PRKCI: variants seen among roughly 807,000 people sequenced by gnomAD.
PRKCI encodes protein kinase C iota.
PRKCI carries 43 observed loss-of-function variants against 84.0 expected under a neutral mutation model. That is an observed-to-expected ratio of 0.51 (90% CI 0.40 to 0.66). PRKCI has a LOEUF of 0.66. PRKCI is among the 30% of genes least tolerant of loss of function. The pLI, the probability that PRKCI is intolerant of heterozygous loss-of-function variation, is 0.00. For synonymous variants in PRKCI, 216 were observed against 234.4 expected (o/e 0.92, Z 0.72); for missense variants, 459 against 745.6 (o/e 0.62, Z 4.48).
chr3:170,258,636 A>T (rs1244697991), intron 2 of PRKCI, among the ~76,000 whole-genome samples: 1 of 152,142 alleles, frequency 6.6e-6, no homozygotes, highest in Non-Finnish European at 1.5e-5. Flanking sequence ...GTCCAGGCAG[A>T]TGTGCCACCT....
chr3:170,231,749 G>A (rs893101078), intron 1 of PRKCI, among the ~76,000 whole-genome samples: 9 of 152,206 alleles, frequency 5.9e-5, no homozygotes, highest in African/African-American at 1.9e-4. Context: ...ACAGGTGTGA[G>A]CCACTGCGCC....
At chr3:170,301,011 C>T (rs1734805099) in intron 17 of PRKCI, among the ~76,000 whole-genome samples, 1 of 152,146 alleles carries the variant, frequency 6.6e-6, no homozygotes, top group African/African-American at 2.4e-5. Flanking sequence ...TTTCAGCCAG[C>T]CCTGTAGCAT....
chr3:170,293,263 G>GAAT (rs1734607379), intron 13 of PRKCI, 120 bp from the exon 14 acceptor site: 1 of 880,182 alleles, frequency 1.1e-6, no homozygotes, highest in Non-Finnish European at 1.7e-6. Context: ...ATGATAGTTG[G>GAAT]AATGCATTTA....
At chr3:170,270,684 A>T in intron 6 of PRKCI, 123 bp downstream of exon 6, 1 of 1,202,322 alleles carries the variant, frequency 8.3e-7, no homozygotes, top group Non-Finnish European at 1.1e-6. Context: ...GCTACAGAGT[A>T]TGGGGAGGAA....
At chr3:170,270,641 G>A in intron 6 of PRKCI, 80 bp downstream of exon 6, 1 of 1,445,790 alleles carries the variant, frequency 6.9e-7, no homozygotes, top group Non-Finnish European at 9.2e-7. Flanking sequence ...GCTAAAATAG[G>A]GAGGTGTTCA....
At chr3:170,280,553 A>G (rs1387203114) in intron 9 of PRKCI, 150 bp downstream of exon 9, 4 of 642,300 alleles carry the variant, frequency 6.2e-6, no homozygotes, top group Non-Finnish European at 9.9e-6. Context: ...GGTTCAAGTG[A>G]TTCTCCTGCC....
intron 7 of PRKCI, among the ~76,000 whole-genome samples, chr3:170,274,565 A>G (rs1182522171): frequency 6.6e-6 from 1 of 152,192 alleles, no homozygotes; most frequent in Non-Finnish European, 1.5e-5. Context: ...AACCTTAAAC[A>G]CGTATCTGGG....
chr3:170,280,429 CTAAA>C, intron 9 of PRKCI, 26 bp downstream of exon 9: 1 of 1,558,136 alleles, frequency 6.4e-7, no homozygotes, highest in Non-Finnish European at 8.7e-7. Flanking sequence ...TTTATTGCTT[CTAAA>C]CTGCTTGAGA....
chr3:170,246,541 C>T (rs530423124), intron 2 of PRKCI, among the ~76,000 whole-genome samples: 2 of 152,060 alleles, frequency 1.3e-5, no homozygotes, highest in Admixed American at 6.6e-5. Flanking sequence ...GTGATCCTCC[C>T]GCTTTGCTCT....
At chr3:170,259,376 AAAAG>A (rs1339251160) in intron 2 of PRKCI, among the ~76,000 whole-genome samples, 1 of 152,140 alleles carries the variant, frequency 6.6e-6, no homozygotes, top group Non-Finnish European at 1.5e-5. Context: ...GTCTCACCAA[AAAAG>A]AAAACCAAAG....
chr3:170,301,690 G>C (rs1469895749), intron 17 of PRKCI, among the ~76,000 whole-genome samples: 4 of 151,760 alleles, frequency 2.6e-5, no homozygotes, highest in Non-Finnish European at 1.5e-5. Flanking sequence ...TTCTCTTCCC[G>C]TTGACACACC....
At position 170,300,004 on chromosome 3, in the gene PRKCI, T is replaced by C. The variant is rs535199573; in HGVS notation, c.1703+894T>C. On this transcript the variant is annotated intron_variant, in intron 17 of 17. Coordinates refer to ENST00000295797, the MANE Select transcript of PRKCI (RefSeq NM_002740.6). ...TTTTTTGTGCTTATACTTCATCTTT[T>C]AAACATGTAGTTTGGAATAATTGGG... 1.0e-3 allele frequency among the ~76,000 whole-genome samples: 157 copies of C among 152,368 alleles called. 1 individual carries two copies. The highest frequency in any genetic ancestry group is 3.4e-3 in the Middle Eastern group (1 of 294).
chr3:170,232,422 A>G (rs547117769), intron 1 of PRKCI, among the ~76,000 whole-genome samples: 10 of 150,634 alleles, frequency 6.6e-5, no homozygotes, highest in Admixed American at 6.0e-4. Flanking sequence ...CTAGAGTGCA[A>G]TGACATAGTC....
intron 14 of PRKCI, 82 bp downstream of exon 14, chr3:170,293,590 G>T: frequency 7.0e-7 from 1 of 1,420,790 alleles, no homozygotes. Flanking sequence ...TTACTACTTT[G>T]AGTAAGAAAA....
chr3:170,295,832 A>G lies in PRKCI; in HGVS notation c.1418-79A>G, dbSNP rs1734674908. The G allele has an allele frequency of 4.8e-6, 4 of 829,732 alleles. No individual in the cohort carries two copies. The East Asian group carries it at 8.7e-5, about 18-fold the overall frequency. 51.4% of individuals were successfully genotyped at this position (829,732 alleles called of 1,614,324 possible). Reference sequence around the variant, plus strand: ...TGCACTCCAACCTGGGCAACAGAACAAGCCCCTTTCAAAAAAGAAGAAAAA... The same window carrying G: ...TGCACTCCAACCTGGGCAACAGAACGAGCCCCTTTCAAAAAAGAAGAAAAA... On this transcript the variant is annotated intron_variant, in intron 14 of 17. Coordinates refer to ENST00000295797, the MANE Select transcript of PRKCI (RefSeq NM_002740.6).
At chr3:170,284,157 T>TGC (rs1359455314) in intron 11 of PRKCI, among the ~76,000 whole-genome samples, 5 of 152,124 alleles carry the variant, frequency 3.3e-5, no homozygotes, top group Non-Finnish European at 7.3e-5. Context: ...CATACACCTT[T>TGC]GCCCCCAGTT....
rs766527496 is a variant in PRKCI at position 170,298,975 on chromosome 3, C to A, written c.1588-20C>A. On this transcript the variant is annotated intron_variant, in intron 16 of 17. Transcript: ENST00000295797. ...TTCTAAGAATACAGACTTGAGCTGT[C>A]ATCCAGTATGTCTTTTCAGATGGAG... 3 of 1,502,046 alleles carry A rather than the reference C, an allele frequency of 2.0e-6. No individual in the cohort carries two copies. The highest frequency in any genetic ancestry group is 2.8e-6 in the Non-Finnish European group (3 of 1,079,630). 93.0% of individuals were successfully genotyped at this position (1,502,046 alleles called of 1,614,324 possible). A position where few individuals can be genotyped will look rare whatever the true frequency, so the allele number is the denominator to read the frequency against.
At chr3:170,239,726 C>T (rs1434840851) in intron 2 of PRKCI, among the ~76,000 whole-genome samples, 35 of 149,290 alleles carry the variant, frequency 2.3e-4, no homozygotes, top group Non-Finnish European at 4.4e-4. Context: ...TGTTTTTTCT[C>T]TTGTATGGTA....
At chr3:170,281,450 A>G (rs1379272509) in intron 10 of PRKCI, 187 bp downstream of exon 10, 2 of 550,690 alleles carry the variant, frequency 3.6e-6, no homozygotes, top group Non-Finnish European at 6.4e-6. Context: ...AGCATTAGGA[A>G]ATGACCTACT....
Sources: allele counts gnomAD v4.1 joint callset (sites outside exome capture counted in the v4.1 genomes callset), GRCh38; gene constraint gnomAD v4.1.1; transcripts MANE v1.5; gene names NCBI Gene and HGNC (gene_info 2026-07-23, HGNC 2026-07-21).